Variants in ARHGAP24 observed in about 807,000 individuals in gnomAD.
ARHGAP24 encodes the protein rho GTPase-activating protein 24.
Under a neutral mutation model 76.4 loss-of-function variants are expected in ARHGAP24, and 50 were observed. The ratio of observed to expected loss-of-function variants is 0.65; its 90% CI spans 0.52 to 0.83. ARHGAP24 has a LOEUF of 0.83. Among genes scored for constraint, ARHGAP24 ranks in the 40% least tolerant of loss-of-function variants. The pLI, the probability that ARHGAP24 is intolerant of heterozygous loss-of-function variation, is 0.00. For missense variants in ARHGAP24, 930 were observed against 914.2 expected, an observed-to-expected ratio of 1.02 and a Z score of -0.22; for synonymous variants, 345 against 323.3, an observed-to-expected ratio of 1.07 and a Z score of -0.72.
intron 2 of ARHGAP24, among the ~76,000 whole-genome samples, chr4:85,643,252 T>G (rs1311356919): frequency 6.0e-5 from 4 of 66,462 alleles, no homozygotes; most frequent in African/African-American, 2.0e-4. Context: ...TTTTTTTTTT[T>G]TTTTTTTTTT....
chr4:85,909,525 A>T (rs1734952812), intron 3 of ARHGAP24, among the ~76,000 whole-genome samples: 1 of 152,154 alleles, frequency 6.6e-6, no homozygotes, highest in Admixed American at 6.5e-5. Flanking sequence ...CTGTATTTGG[A>T]CTTTAGCCAA....
chr4:85,995,382 C>T lies in ARHGAP24; in HGVS notation c.1728C>T (p.Thr576=). 1 of 1,614,048 alleles carries T rather than the reference C, an allele frequency of 6.2e-7. No individual in the cohort carries two copies. Among genetic ancestry groups the T allele is most frequent in the Admixed American group, 1.7e-5 (1 of 59,990 alleles). Residue 576 remains threonine (T), a synonymous_variant, in exon 9 of 10, where the codon ACC becomes ACT. Transcript: ENST00000395184. ...ENSNSCRSST[T]TCPEQDFFGG... ...CCAACTCCTGTCGCTCTTCTACCACCACCTGCCCAGAGCAAGACTTTTTTG... is the reference window on the plus strand; with the variant it reads ...CCAACTCCTGTCGCTCTTCTACCACTACCTGCCCAGAGCAAGACTTTTTTG...
At chr4:85,924,460 A>T (rs947898666) in intron 4 of ARHGAP24, among the ~76,000 whole-genome samples, 1 of 152,182 alleles carries the variant, frequency 6.6e-6, no homozygotes, top group Non-Finnish European at 1.5e-5. Flanking sequence ...CCAAAAAAAT[A>T]AAAGCACAAA....
intron 8 of ARHGAP24, among the ~76,000 whole-genome samples, chr4:85,981,992 A>G (rs576509555): frequency 6.6e-6 from 1 of 152,160 alleles, no homozygotes; most frequent in South Asian, 2.1e-4. Context: ...AGACACTGAC[A>G]TCATGCAGGC....
chr4:85,955,558 T>C (rs1279677797), intron 5 of ARHGAP24, among the ~76,000 whole-genome samples: 1 of 152,202 alleles, frequency 6.6e-6, no homozygotes, highest in African/African-American at 2.4e-5. Flanking sequence ...CCTTGGCTTG[T>C]AGCTACATAA....
intron 2 of ARHGAP24, among the ~76,000 whole-genome samples, chr4:85,676,446 G>A (rs574375792): frequency 3.2e-4 from 49 of 152,184 alleles, no homozygotes; most frequent in Middle Eastern, 3.4e-3. Context: ...AAGCTCCCCC[G>A]GAAACTGTAT....
In ARHGAP24 at chr4:85,816,487, A is replaced by C. The variant is rs80324207; in HGVS notation, c.268+94515A>C. ...AATGACAACATTTCCTTCTTTTTTA[A>C]GGCTAAGTTTTCAACATTATATATA... On this transcript the variant is annotated intron_variant, in intron 3 of 9. Transcript: ENST00000395184. 4.0e-3 allele frequency among the ~76,000 whole-genome samples: 604 copies of C among 152,266 alleles called. 7 individuals carry two copies. Among genetic ancestry groups the C allele is most frequent in the African/African-American group, 0.013 (529 of 41,570 alleles).
chr4:85,590,502 G>A (rs1223347815), intron 2 of ARHGAP24, among the ~76,000 whole-genome samples: 1 of 151,986 alleles, frequency 6.6e-6, no homozygotes, highest in Non-Finnish European at 1.5e-5. Context: ...TGGGACTACA[G>A]GTGCATGCCA....
At chr4:85,815,147 A>G (rs935450275) in intron 3 of ARHGAP24, among the ~76,000 whole-genome samples, 3 of 152,056 alleles carry the variant, frequency 2.0e-5, no homozygotes, top group Admixed American at 2.0e-4. Flanking sequence ...CCAGCCCCCG[A>G]AACCATTTTC....
intron 1 of ARHGAP24, among the ~76,000 whole-genome samples, chr4:85,556,170 G>T (rs138700003): frequency 6.0e-4 from 92 of 152,160 alleles, no homozygotes; most frequent in African/African-American, 2.0e-3. Context: ...AGAGAGGAGA[G>T]CCTGAGCTTC....
At chr4:85,730,119 T>C (rs983604083) in intron 3 of ARHGAP24, among the ~76,000 whole-genome samples, 2 of 152,206 alleles carry the variant, frequency 1.3e-5, no homozygotes, top group South Asian at 2.1e-4. Context: ...TTAAATCACA[T>C]TGAACTTTAA....
intron 3 of ARHGAP24, among the ~76,000 whole-genome samples, chr4:85,762,292 C>T (rs1726761262): frequency 1.3e-5 from 2 of 152,122 alleles, no homozygotes; most frequent in Non-Finnish European, 2.9e-5. Flanking sequence ...ACATCATTTG[C>T]ACATTAATAT....
intron 1 of ARHGAP24, among the ~76,000 whole-genome samples, chr4:85,535,417 A>G (rs1250885555): frequency 6.6e-6 from 1 of 152,218 alleles, no homozygotes; most frequent in Non-Finnish European, 1.5e-5. Flanking sequence ...GTTGGCACTT[A>G]CAATGTTATT....
At chr4:85,539,144 G>A (rs1444863515) in intron 1 of ARHGAP24, among the ~76,000 whole-genome samples, 1 of 152,058 alleles carries the variant, frequency 6.6e-6, no homozygotes, top group East Asian at 1.9e-4. Flanking sequence ...GAACCAAAAC[G>A]ATTTGGTTTA....
chr4:85,669,488 G>A (rs956180039), intron 2 of ARHGAP24, among the ~76,000 whole-genome samples: 13 of 151,458 alleles, frequency 8.6e-5, no homozygotes, highest in South Asian at 2.1e-4. Context: ...GGGAGGAAGC[G>A]CTGTTAAAAA....
chr4:85,938,100 G>T (rs1472111691), intron 4 of ARHGAP24, among the ~76,000 whole-genome samples: 1 of 152,132 alleles, frequency 6.6e-6, no homozygotes, highest in African/African-American at 2.4e-5. Context: ...TCTCTCTTGT[G>T]TGCGCCACTG....
At chr4:85,861,144 A>C (rs1731876528) in intron 3 of ARHGAP24, among the ~76,000 whole-genome samples, 1 of 152,078 alleles carries the variant, frequency 6.6e-6, no homozygotes, top group South Asian at 2.1e-4. Flanking sequence ...TTTCAAAAAC[A>C]CATGAACAAA....
intron 3 of ARHGAP24, among the ~76,000 whole-genome samples, chr4:85,897,780 T>G (rs1446314180): frequency 6.6e-6 from 1 of 152,106 alleles, no homozygotes; most frequent in Non-Finnish European, 1.5e-5. Context: ...TATTTCCAAT[T>G]TTCCTTCTTT....
chr4:85,661,198 C>T (rs966169124), intron 2 of ARHGAP24, among the ~76,000 whole-genome samples: 1 of 151,992 alleles, frequency 6.6e-6, no homozygotes, highest in Non-Finnish European at 1.5e-5. Flanking sequence ...GTCAGAAACA[C>T]AAAATACAGA....
Sources: gnomAD v4.1 joint callset for allele counts (sites outside exome capture counted in the v4.1 genomes callset) on GRCh38, gnomAD v4.1.1 for gene constraint, MANE v1.5 for transcripts, NCBI Gene and HGNC (gene_info 2026-07-23, HGNC 2026-07-21) for gene names.